EMILIN2: variants seen among roughly 807,000 people sequenced by gnomAD.
EMILIN2 encodes elastin microfibril interfacer 2.
EMILIN2 carries 71 observed loss-of-function variants against 87.1 expected under a neutral mutation model. The ratio of observed to expected loss-of-function variants is 0.82; its 90% confidence interval spans 0.67 to 0.99. The LOEUF is 0.99. Ranked by LOEUF, EMILIN2 falls within the 50% of genes least tolerant of loss-of-function variation. EMILIN2 has a pLI of 0.00. For synonymous variants in EMILIN2, 581 were observed against 563.4 expected, an observed-to-expected ratio of 1.03 and a Z score of -0.44; for missense variants, 1,407 against 1,371.8, an observed-to-expected ratio of 1.03 and a Z score of -0.40.
chr18:2,853,311 C>G (rs1020181896), intron 2 of EMILIN2, among the ~76,000 whole-genome samples: 5 of 152,142 alleles, frequency 3.3e-5, no homozygotes, highest in Admixed American at 2.0e-4. Flanking sequence ...CTGCCACCCC[C>G]CCAGCCCTTG....
chr18:2,875,059 G>A (rs2076740463), intron 2 of EMILIN2, among the ~76,000 whole-genome samples: 1 of 152,180 alleles, frequency 6.6e-6, no homozygotes, highest in African/African-American at 2.4e-5. Context: ...TGTGGCACCT[G>A]GGAAGAGAAA....
intron 4 of EMILIN2, among the ~76,000 whole-genome samples, chr18:2,905,915 C>T (rs1437208184): frequency 6.6e-6 from 1 of 152,120 alleles, no homozygotes; most frequent in African/African-American, 2.4e-5. Context: ...TGAGCCACCG[C>T]GCCCGGCCCG....
intron 2 of EMILIN2, among the ~76,000 whole-genome samples, chr18:2,855,486 G>C (rs746632143): frequency 6.6e-6 from 1 of 152,218 alleles, no homozygotes; most frequent in African/African-American, 2.4e-5. Context: ...CTTTTTGTTA[G>C]AACTTGTCTT....
intron 2 of EMILIN2, among the ~76,000 whole-genome samples, chr18:2,849,953 G>A (rs1489551429): frequency 1.3e-5 from 2 of 152,126 alleles, no homozygotes; most frequent in South Asian, 2.1e-4. Flanking sequence ...TTGAGACAGA[G>A]TCTTACCATG....
Position 2,890,463 on chromosome 18 carries a change from A to G in EMILIN2, c.434-98A>G, listed in dbSNP as rs565170579. The G allele has an allele frequency of 2.5e-5, 35 of 1,383,732 alleles. No homozygotes were observed. The African/African-American group carries it at 3.5e-4, about 14-fold the overall frequency. 85.7% of individuals were successfully genotyped at this position (1,383,732 alleles called of 1,614,324 possible). ...ATTGTGTAGTGACCTGTAAGTGAAG[A>G]TGTACATGTATTTTGTAGGTACCTT... On this transcript the variant is annotated intron_variant, in intron 3 of 7. Transcript: ENST00000254528. The surrounding 1 kb of genome is among the most constrained non-coding windows in gnomAD (Gnocchi z 4.7).
chr18:2,858,902 C>T (rs1371840611), intron 2 of EMILIN2, among the ~76,000 whole-genome samples: 2 of 152,068 alleles, frequency 1.3e-5, no homozygotes, highest in Non-Finnish European at 2.9e-5. Context: ...TCCCAAAGTG[C>T]TGGGATTACA....
At chr18:2,859,005 G>A (rs973022316) in intron 2 of EMILIN2, among the ~76,000 whole-genome samples, 10 of 152,054 alleles carry the variant, frequency 6.6e-5, no homozygotes, top group African/African-American at 2.2e-4. Context: ...TTTTGCAATC[G>A]CGAATTGTGC....
chr18:2,854,030 C>A (rs1021563249), intron 2 of EMILIN2, among the ~76,000 whole-genome samples: 1 of 152,116 alleles, frequency 6.6e-6, no homozygotes, highest in Non-Finnish European at 1.5e-5. Flanking sequence ...GTGTCTGGTC[C>A]ACAGATAGCC....
chr18:2,909,648 A>C, intron 6 of EMILIN2, 43 bp from the exon 7 acceptor site: 3 of 1,603,110 alleles, frequency 1.9e-6, no homozygotes, highest in Non-Finnish European at 2.6e-6. Flanking sequence ...CCTGGAGGAC[A>C]GAAGCACCCG....
At chr18:2,852,919 T>C (rs370586784) in intron 2 of EMILIN2, among the ~76,000 whole-genome samples, 3 of 152,200 alleles carry the variant, frequency 2.0e-5, no homozygotes, top group African/African-American at 7.2e-5. Context: ...GCACAGGTAC[T>C]AGATGTGAGG....
intron 2 of EMILIN2, among the ~76,000 whole-genome samples, chr18:2,857,884 G>A (rs1420129447): frequency 1.3e-5 from 2 of 152,182 alleles, no homozygotes; most frequent in Admixed American, 6.5e-5. Context: ...ACTCCACCAC[G>A]ATGGGCAATG....
intron 2 of EMILIN2, among the ~76,000 whole-genome samples, chr18:2,869,121 A>G (rs1265249107): frequency 6.6e-6 from 1 of 152,124 alleles, no homozygotes; most frequent in Non-Finnish European, 1.5e-5. Flanking sequence ...CTCTAGTTAA[A>G]CCTACATTCT....
intron 2 of EMILIN2, among the ~76,000 whole-genome samples, chr18:2,856,016 C>T (rs181822136): frequency 3.9e-5 from 6 of 152,196 alleles, no homozygotes; most frequent in Admixed American, 6.5e-5. Context: ...AAAATGCTCA[C>T]GGTTGAAATC....
chr18:2,883,094 A>G (rs1222515615), intron 2 of EMILIN2, among the ~76,000 whole-genome samples: 1 of 152,142 alleles, frequency 6.6e-6, no homozygotes, highest in African/African-American at 2.4e-5. Flanking sequence ...GGAAGGTGCT[A>G]GGAGGTCTAA....
At chr18:2,858,285 A>G (rs1949644004) in intron 2 of EMILIN2, among the ~76,000 whole-genome samples, 1 of 150,864 alleles carries the variant, frequency 6.6e-6, no homozygotes, top group Admixed American at 6.6e-5. Flanking sequence ...ACGGAACCCA[A>G]TTTGTAGTTT....
intron 2 of EMILIN2, among the ~76,000 whole-genome samples, chr18:2,871,495 TCC>T (rs2076719617): frequency 6.6e-6 from 1 of 152,158 alleles, no homozygotes. Flanking sequence ...AGACTGGCAG[TCC>T]GTGCCAGAAT....
At chr18:2,907,189 G>T in intron 5 of EMILIN2, 104 bp downstream of exon 5, 1 of 1,149,662 alleles carries the variant, frequency 8.7e-7, no homozygotes, top group Non-Finnish European at 1.1e-6. Context: ...TCCAGCCTTC[G>T]GGGGGGCAAG....
rs1035142075 is a variant in EMILIN2 at position 2,903,546 on chromosome 18, C to G, written c.2360-3237C>G. On this transcript the variant is annotated intron_variant, in intron 4 of 7. Coordinates refer to ENST00000254528, the MANE Select transcript of EMILIN2 (RefSeq NM_032048.3). ...CTTTAGACATTGTATATTGACCCCC[C>G]CTTCCTCCCAATTCCCAACAGAGTT... 4.6e-5 allele frequency among the ~76,000 whole-genome samples: 7 copies of G among 152,262 alleles called. No homozygotes were observed. The East Asian group carries it at 9.6e-4, about 21-fold the overall frequency.
Position 2,913,348 on chromosome 18 carries a change from G to T in EMILIN2, c.3106G>T (p.Glu1036Ter). The T allele has an allele frequency of 6.2e-7, 1 of 1,612,262 alleles. No homozygotes were observed. Among genetic ancestry groups the T allele is most frequent in the Non-Finnish European group, 8.5e-7 (1 of 1,179,068 alleles). Residue 1036 changes from glutamate (E) to a stop codon, truncating the protein, a stop_gained, in exon 8 of 8, where the codon GAA (glutamate) becomes TAA (stop). Coordinates refer to ENST00000254528, the MANE Select transcript of EMILIN2 (RefSeq NM_032048.3). LOFTEE classifies it high-confidence loss of function. ...CAAGCTGGCTCACACAGACTTTGAT[G>T]AAATGTACTCCACATTTAGTGGGGT... ...GGKLAHTDFDEMYSTFSGVFL... is the reference protein window; with the variant it reads ...GGKLAHTDFD
Sources: allele counts gnomAD v4.1 joint callset (sites outside exome capture counted in the v4.1 genomes callset), GRCh38; gene constraint gnomAD v4.1.1; non-coding constraint Gnocchi (gnomAD v3.1); transcripts MANE v1.5; gene names NCBI Gene and HGNC (gene_info 2026-07-23, HGNC 2026-07-21).